Variants in PTPRD observed in about 807,000 individuals in gnomAD.
PTPRD encodes the protein receptor-type tyrosine-protein phosphatase delta.
In PTPRD, 34 loss-of-function variants were observed where a neutral mutation model predicts 214.5. The ratio of observed to expected loss-of-function variants is 0.16; its 90% CI spans 0.12 to 0.21. The LOEUF is 0.21. Among genes scored for constraint, PTPRD ranks in the 10% least tolerant of loss-of-function variants. PTPRD has a pLI of 1.00. For synonymous variants in PTPRD, 1,128 were observed against 845.7 expected (o/e 1.33, Z -5.79); for missense variants, 2,545 against 2,398.7 (o/e 1.06, Z -1.27).
At chr9:9,100,585 T>C (rs1328572717) in intron 10 of PTPRD, among the ~76,000 whole-genome samples, 3 of 152,178 alleles carry the variant, frequency 2.0e-5, no homozygotes, top group Non-Finnish European at 4.4e-5. Flanking sequence ...ATCATTTGTT[T>C]GTTTTTACCA....
chr9:8,569,198 C>G lies in PTPRD; in HGVS notation c.353-40419G>C, dbSNP rs375359946. 3.9e-5 allele frequency among the ~76,000 whole-genome samples: 6 copies of G among 152,044 alleles called. No homozygotes were observed. In the East Asian group the frequency reaches 9.7e-4, roughly 24 times the overall value. ...AAGGAGGGTACAACTCCTCCCACCC[C>G]AAGAACCGCTATCTCTTCCAGCCTT... On this transcript the variant is annotated intron_variant, in intron 14 of 45. Coordinates refer to ENST00000381196, the MANE Select transcript of PTPRD (RefSeq NM_002839.4).
At chr9:8,325,672 G>T (rs1482577322) in intron 44 of PTPRD, among the ~76,000 whole-genome samples, 1 of 151,642 alleles carries the variant, frequency 6.6e-6, no homozygotes, top group Non-Finnish European at 1.5e-5. Context: ...AATTACCTTG[G>T]GCAGTATGGC....
chr9:9,545,032 T>C (rs1416565127), intron 8 of PTPRD, among the ~76,000 whole-genome samples: 4 of 151,712 alleles, frequency 2.6e-5, no homozygotes, highest in African/African-American at 4.8e-5. Flanking sequence ...GAGGAAAGTA[T>C]AGAGATTTCA....
intron 10 of PTPRD, among the ~76,000 whole-genome samples, chr9:9,142,958 A>G (rs1489818310): frequency 6.6e-6 from 1 of 152,038 alleles, no homozygotes; most frequent in African/African-American, 2.4e-5. Context: ...AGTGCTTGCC[A>G]AAGACCCTAC....
At chr9:8,757,621 C>CAT (rs140684940) in intron 11 of PTPRD, among the ~76,000 whole-genome samples, 5,483 of 143,266 alleles carry the variant, frequency 0.038, 198 homozygotes, top group East Asian at 0.11. Flanking sequence ...ATAAATTCTG[C>CAT]ATATATATAT....
chr9:9,286,352 A>G (rs1454934775), intron 9 of PTPRD, among the ~76,000 whole-genome samples: 1 of 151,864 alleles, frequency 6.6e-6, no homozygotes, highest in Non-Finnish European at 1.5e-5. Flanking sequence ...ACAATACAGC[A>G]AAGACTAAAC....
At position 9,352,789 on chromosome 9, in the gene PTPRD, C is replaced by A. The variant is rs914580307; in HGVS notation, c.-203+44660G>T. Among the ~76,000 whole-genome samples, 3 of 151,858 alleles carry A rather than the reference C, an allele frequency of 2.0e-5. No individual in the cohort carries two copies. The South Asian group carries it at 6.2e-4, about 31-fold the overall frequency. On this transcript the variant is annotated intron_variant, in intron 9 of 45. Coordinates refer to ENST00000381196, the MANE Select transcript of PTPRD (RefSeq NM_002839.4). ...TCAGAGTTGTAATAATTTTAAATGT[C>A]TGGAAGAAGATTCTCTTCTTAAATA...
In PTPRD at chr9:8,563,612, T is replaced by G. The variant is rs2087457109; in HGVS notation, c.353-34833A>C. ...CCGCCACACCTGGCTAATTTTTGTATTTTTAGTAGAGATGGGGTTTCACCA... is the reference window on the plus strand; with the variant it reads ...CCGCCACACCTGGCTAATTTTTGTAGTTTTAGTAGAGATGGGGTTTCACCA... On this transcript the variant is annotated intron_variant, in intron 14 of 45. Coordinates refer to ENST00000381196, the MANE Select transcript of PTPRD (RefSeq NM_002839.4). Among the ~76,000 whole-genome samples the G allele has an allele frequency of 3.3e-5, 5 of 152,010 alleles. No homozygotes were observed. In the South Asian group the frequency reaches 1.0e-3, roughly 32 times the overall value.
intron 2 of PTPRD, among the ~76,000 whole-genome samples, chr9:10,377,504 T>C (rs376630144): frequency 1.5e-4 from 23 of 151,568 alleles, no homozygotes; most frequent in African/African-American, 5.6e-4. Context: ...AGTGTTCTCA[T>C]TGTTCAATTC....
chr9:8,358,726 C>T (rs2077583962), intron 39 of PTPRD, among the ~76,000 whole-genome samples: 1 of 151,982 alleles, frequency 6.6e-6, no homozygotes, highest in South Asian at 2.1e-4. Context: ...TGCAACCTTC[C>T]TATTCTTGCA....
chr9:10,505,920 T>C (rs1331018059), intron 2 of PTPRD, among the ~76,000 whole-genome samples: 4 of 152,160 alleles, frequency 2.6e-5, no homozygotes, highest in South Asian at 2.1e-4. Flanking sequence ...AATCAATAAG[T>C]AGAAGGTGTA....
At chr9:8,550,554 G>C (rs1321111849) in intron 14 of PTPRD, among the ~76,000 whole-genome samples, 1 of 152,136 alleles carries the variant, frequency 6.6e-6, no homozygotes, top group African/African-American at 2.4e-5. Flanking sequence ...CACACAAACA[G>C]ATACGTATGT....
intron 10 of PTPRD, among the ~76,000 whole-genome samples, chr9:9,158,881 T>A (rs1330118215): frequency 6.6e-6 from 1 of 152,164 alleles, no homozygotes; most frequent in Non-Finnish European, 1.5e-5. Context: ...GGATTTATCC[T>A]TGGGACGCAA....
intron 14 of PTPRD, among the ~76,000 whole-genome samples, chr9:8,553,463 T>G (rs1415486839): frequency 6.6e-6 from 1 of 152,140 alleles, no homozygotes; most frequent in Non-Finnish European, 1.5e-5. Flanking sequence ...ATGCATTAAT[T>G]CCACTCTAAA....
chr9:9,825,321 A>G (rs2052367823), intron 5 of PTPRD, among the ~76,000 whole-genome samples: 1 of 151,758 alleles, frequency 6.6e-6, no homozygotes, highest in East Asian at 1.9e-4. Context: ...AAAGAGAAAG[A>G]AAGAGAGAGA....
intron 9 of PTPRD, among the ~76,000 whole-genome samples, chr9:9,247,383 T>C: frequency 6.6e-6 from 1 of 152,054 alleles, no homozygotes; most frequent in East Asian, 1.9e-4. Context: ...AGACAGTTTC[T>C]TCTTGTGTCT....
chr9:10,164,512 A>G (rs2099147328), intron 3 of PTPRD, among the ~76,000 whole-genome samples: 2 of 151,548 alleles, frequency 1.3e-5, no homozygotes, highest in Non-Finnish European at 3.0e-5. Flanking sequence ...GCAGTATGGA[A>G]GATCTAATTG....
chr9:10,033,495 T>C (rs1298403417), intron 4 of PTPRD, among the ~76,000 whole-genome samples: 4 of 151,946 alleles, frequency 2.6e-5, no homozygotes, highest in Non-Finnish European at 5.9e-5. Context: ...CAGCACATAA[T>C]TTTTGTTTTA....
chr9:9,430,524 A>T (rs1032619421), intron 8 of PTPRD, among the ~76,000 whole-genome samples: 1 of 152,120 alleles, frequency 6.6e-6, no homozygotes, highest in African/African-American at 2.4e-5. Flanking sequence ...GCTACCAATG[A>T]TTTTCTTCAC....
Sources: allele counts gnomAD v4.1 joint callset (sites outside exome capture counted in the v4.1 genomes callset), GRCh38; gene constraint gnomAD v4.1.1; transcripts MANE v1.5; gene names NCBI Gene and HGNC (gene_info 2026-07-23, HGNC 2026-07-21).